The following SPOCK1 variants were observed in gnomAD, a reference collection of about 807,000 sequenced individuals.
SPOCK1 encodes the protein testican-1.
A neutral mutation model predicts 55.3 loss-of-function variants in SPOCK1; 23 were observed. The ratio of observed to expected loss-of-function variants is 0.42; its 90% CI spans 0.30 to 0.59. The LOEUF is 0.59. Ranked by LOEUF, SPOCK1 falls within the 20% of genes least tolerant of loss-of-function variation. The pLI is 0.22. For missense variants in SPOCK1, 499 were observed against 552.5 expected (o/e 0.90, Z 0.97); for synonymous variants, 226 against 221.0 (o/e 1.02, Z -0.20).
intron 2 of SPOCK1, among the ~76,000 whole-genome samples, chr5:137,372,830 C>A (rs6596372): frequency 3.5e-4 from 54 of 152,330 alleles, no homozygotes; most frequent in African/African-American, 1.2e-3. Context: ...GGTGAGCGGC[C>A]ACTCTCCGCC....
At chr5:137,229,926 C>T (rs1274566607) in intron 3 of SPOCK1, among the ~76,000 whole-genome samples, 1 of 152,134 alleles carries the variant, frequency 6.6e-6, no homozygotes, top group Non-Finnish European at 1.5e-5. Flanking sequence ...GCTCACTCAC[C>T]CTGCCGCTCA....
chr5:137,389,319 C>T (rs933793450), intron 2 of SPOCK1, among the ~76,000 whole-genome samples: 1 of 152,180 alleles, frequency 6.6e-6, no homozygotes, highest in African/African-American at 2.4e-5. Context: ...GGACTGCCTG[C>T]CTTTGTGGAT....
At chr5:137,231,196 C>G (rs1218360179) in intron 3 of SPOCK1, among the ~76,000 whole-genome samples, 1 of 152,152 alleles carries the variant, frequency 6.6e-6, no homozygotes, top group Non-Finnish European at 1.5e-5. Context: ...AGGCATGCGC[C>G]ACCACAACCA....
At chr5:137,300,793 A>C (rs1580854394) in intron 2 of SPOCK1, among the ~76,000 whole-genome samples, 1 of 152,026 alleles carries the variant, frequency 6.6e-6, no homozygotes, top group Non-Finnish European at 1.5e-5. Flanking sequence ...CAATTCTGAA[A>C]CCCAGTTGTA....
Position 137,459,660 on chromosome 5 carries a change from C to T in SPOCK1, c.186+38713G>A, listed in dbSNP as rs544768066. Reference sequence around the variant, plus strand: ...GTGGTTTCCAGCTTGTTCACAGATTCTCACCATCTCTGAGGCTTTTCTCGA... The same window carrying T: ...GTGGTTTCCAGCTTGTTCACAGATTTTCACCATCTCTGAGGCTTTTCTCGA... On this transcript the variant is annotated intron_variant, in intron 2 of 10. Coordinates refer to ENST00000394945, the MANE Select transcript of SPOCK1 (RefSeq NM_004598.4). Among the ~76,000 whole-genome samples, 3 of 152,248 alleles carry T rather than the reference C, an allele frequency of 2.0e-5. No homozygotes were observed. In the South Asian group the frequency reaches 6.2e-4, roughly 32 times the overall value.
Position 137,085,110 on chromosome 5 carries a change from G to A in SPOCK1, c.475-17281C>T, listed in dbSNP as rs139375184. Among the ~76,000 whole-genome samples the A allele has an allele frequency of 1.1e-3, 163 of 152,254 alleles. 4 individuals are homozygous for A. The Middle Eastern group carries it at 0.027, about 25-fold the overall frequency. On this transcript the variant is annotated intron_variant, in intron 5 of 10. Transcript: ENST00000394945. ...GATTCTAAAGGAAAGAACCTTCAGT[G>A]CTGAGAGTAACAAGCCACATGAGGA...
At chr5:137,389,439 T>A (rs1168919879) in intron 2 of SPOCK1, among the ~76,000 whole-genome samples, 1 of 152,240 alleles carries the variant, frequency 6.6e-6, no homozygotes, top group Non-Finnish European at 1.5e-5. Flanking sequence ...CAAGATGTCA[T>A]TGCTGAAGTG....
chr5:137,251,933 T>G (rs1441705237), intron 3 of SPOCK1, among the ~76,000 whole-genome samples: 1 of 152,170 alleles, frequency 6.6e-6, no homozygotes, highest in African/African-American at 2.4e-5. Context: ...TTTTTATTTT[T>G]CTTCGAGACA....
At chr5:137,294,495 C>T (rs1167540740) in intron 2 of SPOCK1, among the ~76,000 whole-genome samples, 1 of 152,258 alleles carries the variant, frequency 6.6e-6, no homozygotes, top group Non-Finnish European at 1.5e-5. Flanking sequence ...CCCATGCTGT[C>T]TCCATCACAA....
intron 6 of SPOCK1, among the ~76,000 whole-genome samples, chr5:137,066,253 C>T (rs888928414): frequency 6.6e-6 from 1 of 152,160 alleles, no homozygotes; most frequent in Non-Finnish European, 1.5e-5. Flanking sequence ...ATTCTCCTGC[C>T]TCAGCCCCCT....
At chr5:137,281,508 C>A (rs906145376) in intron 2 of SPOCK1, among the ~76,000 whole-genome samples, 4 of 152,180 alleles carry the variant, frequency 2.6e-5, no homozygotes, top group Non-Finnish European at 4.4e-5. Context: ...CATTTCTGTA[C>A]CCTATTAAGA....
intron 2 of SPOCK1, among the ~76,000 whole-genome samples, chr5:137,434,779 G>A (rs1561534949): frequency 6.6e-6 from 1 of 152,058 alleles, no homozygotes; most frequent in Non-Finnish European, 1.5e-5. Flanking sequence ...GGGATTACAG[G>A]CGTGAGCCAC....
At chr5:137,309,991 C>A (rs534846409) in intron 2 of SPOCK1, among the ~76,000 whole-genome samples, 4 of 152,078 alleles carry the variant, frequency 2.6e-5, no homozygotes, top group Admixed American at 2.6e-4. Flanking sequence ...AACCTTCACT[C>A]AAAATTGCTT....
At position 137,389,798 on chromosome 5, in the gene SPOCK1, C is replaced by T. The variant is rs566177877; in HGVS notation, c.186+108575G>A. 5.3e-5 allele frequency among the ~76,000 whole-genome samples: 8 copies of T among 152,342 alleles called. No homozygotes were observed. In the South Asian group the frequency reaches 1.7e-3, roughly 32 times the overall value. On this transcript the variant is annotated intron_variant, in intron 2 of 10. Transcript: ENST00000394945. Reference sequence around the variant, plus strand: ...TCCATGCAGCTTAGCTGTGTTGTCTCTTTAAGGTTCTGATGGGTACATACA... The same window carrying T: ...TCCATGCAGCTTAGCTGTGTTGTCTTTTTAAGGTTCTGATGGGTACATACA...
chr5:137,230,437 G>A (rs1742432611), intron 3 of SPOCK1, among the ~76,000 whole-genome samples: 1 of 152,044 alleles, frequency 6.6e-6, no homozygotes, highest in Non-Finnish European at 1.5e-5. Context: ...AACACTCATA[G>A]GTAATGTTTA....
At chr5:137,314,368 T>C (rs1423241118) in intron 2 of SPOCK1, among the ~76,000 whole-genome samples, 1 of 152,070 alleles carries the variant, frequency 6.6e-6, no homozygotes, top group Non-Finnish European at 1.5e-5. Flanking sequence ...CACTCTAGTA[T>C]CTCCACCAGC....
chr5:137,132,788 T>G (rs1753909438), intron 4 of SPOCK1, among the ~76,000 whole-genome samples: 1 of 152,140 alleles, frequency 6.6e-6, no homozygotes. Context: ...AAGCGCTTTT[T>G]TTGTTGTTTT....
At chr5:137,462,401 C>A (rs6882032) in intron 2 of SPOCK1, among the ~76,000 whole-genome samples, 42,792 of 152,024 alleles carry the variant, frequency 0.28, 6,052 homozygotes, top group Middle Eastern at 0.38. Flanking sequence ...GGCCATGGCT[C>A]ACACTCCGAG....
At chr5:137,044,799 C>T (rs1414139599) in intron 6 of SPOCK1, among the ~76,000 whole-genome samples, 9 of 133,894 alleles carry the variant, frequency 6.7e-5, no homozygotes, top group South Asian at 5.6e-4. Flanking sequence ...CCCCCTCCCC[C>T]GACCCCACCA....
Sources: allele counts gnomAD v4.1 joint callset (sites outside exome capture counted in the v4.1 genomes callset), GRCh38; gene constraint gnomAD v4.1.1; transcripts MANE v1.5; gene names NCBI Gene and HGNC (gene_info 2026-07-23, HGNC 2026-07-21).